Variants in PIK3C2A observed in about 807,000 individuals in gnomAD.
PIK3C2A encodes phosphatidylinositol-4-phosphate 3-kinase catalytic subunit type 2 alpha.
A neutral mutation model predicts 204.5 loss-of-function variants in PIK3C2A; 97 were observed. That is an observed-to-expected ratio of 0.47 (90% CI 0.40 to 0.56). The LOEUF (loss-of-function observed/expected upper bound fraction) is 0.56. Among genes scored for constraint, PIK3C2A ranks in the 20% least tolerant of loss-of-function variants. PIK3C2A has a pLI of 0.00. For synonymous variants in PIK3C2A, 653 were observed against 664.4 expected (o/e 0.98, Z 0.26); for missense variants, 1,735 against 1,969.2 (o/e 0.88, Z 2.25).
chr11:17,119,145 T>C (rs1849294979), intron 17 of PIK3C2A, 75 bp downstream of exon 17: 1 of 836,818 alleles, frequency 1.2e-6, no homozygotes, highest in Non-Finnish European at 2.0e-6. Flanking sequence ...CTAAACAGAA[T>C]GGGGATCCCT....
chr11:17,171,944 T>C (rs1180834760), intron 1 of PIK3C2A, among the ~76,000 whole-genome samples: 2 of 152,152 alleles, frequency 1.3e-5, no homozygotes, highest in Non-Finnish European at 2.9e-5. Context: ...GGTAAACTAA[T>C]GGATAGCAGG....
chr11:17,181,587 T>A, intron 1 of PIK3C2A, among the ~76,000 whole-genome samples: 1 of 138,376 alleles, frequency 7.2e-6, no homozygotes, highest in African/African-American at 2.8e-5. Flanking sequence ...GGCAACATGG[T>A]GAGATCCCAT....
chr11:17,094,880 A>G (rs1848408507), intron 27 of PIK3C2A, among the ~76,000 whole-genome samples: 1 of 152,202 alleles, frequency 6.6e-6, no homozygotes. Flanking sequence ...AAGCAAATAT[A>G]AGTCATTGTA....
chr11:17,158,366 A>G (rs1850668951), intron 2 of PIK3C2A, among the ~76,000 whole-genome samples: 3 of 147,094 alleles, frequency 2.0e-5, no homozygotes, highest in Admixed American at 1.4e-4. Flanking sequence ...AATAATAATA[A>G]TAATAAATAT....
chr11:17,199,316 T>C (rs558173929), intron 1 of PIK3C2A, among the ~76,000 whole-genome samples: 16 of 152,152 alleles, frequency 1.1e-4, no homozygotes, highest in Non-Finnish European at 2.1e-4. Flanking sequence ...GAAAACACTT[T>C]AGTGTTTCTT....
Position 17,087,369 on chromosome 11 carries a change from A to C in PIK3C2A, c.*2369T>G, listed in dbSNP as rs953040396. On this transcript the variant is annotated 3_prime_UTR_variant, in exon 33 of 33. Coordinates refer to ENST00000691414, the MANE Select transcript of PIK3C2A (RefSeq NM_002645.4). ...AAGATTAGCATTTCATAAAGAAATA[A>C]ACTATATGTAAAATGTATGTGTGTT... 3 of 152,196 alleles carry C rather than the reference A, an allele frequency of 2.0e-5. No individual in the cohort carries two copies. Among genetic ancestry groups the C allele is most frequent in the African/African-American group, 7.2e-5 (3 of 41,464 alleles). 9.4% of individuals were successfully genotyped at this position (152,196 alleles called of 1,614,324 possible). A position where few individuals can be genotyped will look rare whatever the true frequency, so the allele number is the denominator to read the frequency against.
intron 1 of PIK3C2A, among the ~76,000 whole-genome samples, chr11:17,176,003 ATT>A (rs57197496): frequency 5.4e-4 from 78 of 143,862 alleles, no homozygotes; most frequent in Non-Finnish European, 5.2e-4. Context: ...CATGGAACTG[ATT>A]TTTTTTTTTT....
chr11:17,092,313 A>G (rs753132803), intron 28 of PIK3C2A, 37 bp from the exon 29 acceptor site: 3 of 886,916 alleles, frequency 3.4e-6, no homozygotes, highest in Non-Finnish European at 3.8e-6. Flanking sequence ...GGATTTAAAT[A>G]AGTACAATAT....
At chr11:17,138,327 T>G (rs917742436) in intron 8 of PIK3C2A, 2 of 28,066 alleles carry the variant, frequency 7.1e-5, no homozygotes, top group African/African-American at 5.3e-4. Context: ...CCAGCTTCCT[T>G]TTTTTTTTTT....
At chr11:17,129,878 C>T (rs1451441824) in intron 12 of PIK3C2A, among the ~76,000 whole-genome samples, 6 of 152,318 alleles carry the variant, frequency 3.9e-5, no homozygotes, top group Non-Finnish European at 5.9e-5. Flanking sequence ...TGAGCCACCA[C>T]GCCAGCCTCA....
intron 1 of PIK3C2A, among the ~76,000 whole-genome samples, chr11:17,192,188 T>C (rs1851969582): frequency 6.6e-6 from 1 of 152,078 alleles, no homozygotes. Flanking sequence ...TAGAAACATA[T>C]GGATCCTCTT....
intron 15 of PIK3C2A, among the ~76,000 whole-genome samples, chr11:17,120,536 ATTCAT>A (rs1283614816): frequency 3.3e-5 from 5 of 152,000 alleles, no homozygotes; most frequent in Admixed American, 2.6e-4. Flanking sequence ...ACTGAAATTT[ATTCAT>A]TTCATGTGGA....
rs1170067624 is a variant in PIK3C2A at position 17,097,066 on chromosome 11, A to G, written c.4317T>C (p.Asp1439=). The change falls in exon 27 of 33, where the codon GAT becomes GAC. Residue 1439 remains aspartate, a synonymous_variant. Coordinates refer to ENST00000691414, the MANE Select transcript of PIK3C2A (RefSeq NM_002645.4). ...TTGAAATCAAACTTACATAATGTTT[A>G]TCTGGGTTGTATTTCTTATGATATG... ...VFTYHKKYNP[D]KHYIYVVRIL... 3 of 1,544,024 alleles carry G rather than the reference A, an allele frequency of 1.9e-6. No homozygotes were observed. The highest frequency in any genetic ancestry group is 2.2e-5 in the East Asian group (1 of 44,488).
chr11:17,167,273 A>C (rs1270963090), intron 2 of PIK3C2A, among the ~76,000 whole-genome samples: 1 of 152,122 alleles, frequency 6.6e-6, no homozygotes, highest in Non-Finnish European at 1.5e-5. Flanking sequence ...ATGCTGTCTA[A>C]ACCTTCTTAA....
At chr11:17,198,166 T>C (rs374888689) in intron 1 of PIK3C2A, among the ~76,000 whole-genome samples, 2 of 150,850 alleles carry the variant, frequency 1.3e-5, no homozygotes, top group East Asian at 3.9e-4. Context: ...TGGAGTACAG[T>C]GGCACAGTCT....
chr11:17,179,309 G>A (rs1795681514), intron 1 of PIK3C2A, among the ~76,000 whole-genome samples: 2 of 151,968 alleles, frequency 1.3e-5, no homozygotes, highest in Admixed American at 1.3e-4. Flanking sequence ...CTACAGGCAT[G>A]TACTACTACA....
Position 17,122,711 on chromosome 11 carries a change from T to G in PIK3C2A, c.2502A>C (p.Ile834=). The G allele has an allele frequency of 2.2e-6, 3 of 1,377,648 alleles. No homozygotes were observed. Among genetic ancestry groups the G allele is most frequent in the Non-Finnish European group, 2.1e-6 (2 of 968,956 alleles). 85.3% of individuals were successfully genotyped at this position (1,377,648 alleles called of 1,614,324 possible). The change falls in exon 14 of 33, where the codon ATA becomes ATC. Residue 834 remains isoleucine, a synonymous_variant. Coordinates refer to ENST00000691414, the MANE Select transcript of PIK3C2A (RefSeq NM_002645.4). ...CAAGAAGTACCATTACCTGTAGCACTATTCTTTCCATGACATATCCTTTTT... is the reference window on the plus strand; with the variant it reads ...CAAGAAGTACCATTACCTGTAGCACGATTCTTTCCATGACATATCCTTTTT... ...VTKKGYVMER[I]VLQVDFPSPA... is the part of the protein sequence containing the mutation.
intron 9 of PIK3C2A, 108 bp downstream of exon 9, chr11:17,136,374 G>A (rs1590949043): frequency 1.1e-6 from 1 of 872,006 alleles, no homozygotes; most frequent in East Asian, 2.5e-5. Flanking sequence ...CAACCCAAAA[G>A]TAAAAGCCAA....
chr11:17,158,732 T>C (rs1462602452), intron 2 of PIK3C2A, among the ~76,000 whole-genome samples: 1 of 152,212 alleles, frequency 6.6e-6, no homozygotes, highest in Non-Finnish European at 1.5e-5. Flanking sequence ...AGAACTGTTC[T>C]TCATGTTTTA....
Sources: allele counts gnomAD v4.1 joint callset (sites outside exome capture counted in the v4.1 genomes callset), GRCh38; gene constraint gnomAD v4.1.1; transcripts MANE v1.5; gene names NCBI Gene and HGNC (gene_info 2026-07-23, HGNC 2026-07-21).